The following KIAA0825 variants were observed in gnomAD, a reference collection of about 807,000 sequenced individuals.
KIAA0825 encodes the protein uncharacterized protein KIAA0825.
Under a neutral mutation model 147.6 loss-of-function variants are expected in KIAA0825, and 119 were observed. The observed-to-expected ratio is 0.81, with a 90% CI of 0.69 to 0.94. KIAA0825 has a LOEUF of 0.94. Among genes scored for constraint, KIAA0825 ranks in the 40% least tolerant of loss-of-function variants. KIAA0825 has a pLI of 0.00. For synonymous variants in KIAA0825, 470 were observed against 518.1 expected (o/e 0.91, Z 1.26); for missense variants, 1,381 against 1,472.7 (o/e 0.94, Z 1.02).
chr5:94,616,529 T>C (rs1790542452), intron 1 of KIAA0825, among the ~76,000 whole-genome samples: 1 of 150,666 alleles, frequency 6.6e-6, no homozygotes, highest in African/African-American at 2.4e-5. Flanking sequence ...TCTTTCTCCC[T>C]ACACACACAC....
intron 2 of KIAA0825, among the ~76,000 whole-genome samples, chr5:94,570,982 C>T (rs1171882805): frequency 6.6e-6 from 1 of 152,126 alleles, no homozygotes; most frequent in African/African-American, 2.4e-5. Context: ...CATTTATAGG[C>T]TGTTTACCTT....
chr5:94,475,279 GT>G (rs1761737375), intron 7 of KIAA0825, among the ~76,000 whole-genome samples: 1 of 151,992 alleles, frequency 6.6e-6, no homozygotes, highest in Admixed American at 6.6e-5. Context: ...TCTGATTTTT[GT>G]TTTCCCTATC....
intron 2 of KIAA0825, among the ~76,000 whole-genome samples, chr5:94,550,035 G>T (rs900677064): frequency 6.6e-6 from 1 of 152,070 alleles, no homozygotes; most frequent in Non-Finnish European, 1.5e-5. Flanking sequence ...ACAGAATGTG[G>T]TACATATACA....
intron 20 of KIAA0825, among the ~76,000 whole-genome samples, chr5:94,318,195 G>C (rs1203628878): frequency 4.0e-5 from 6 of 151,480 alleles, no homozygotes; most frequent in Non-Finnish European, 8.8e-5. Context: ...AAAATGTCTA[G>C]TTTGCACATT....
At chr5:94,244,257 T>C (rs1468136853) in intron 20 of KIAA0825, among the ~76,000 whole-genome samples, 1 of 152,226 alleles carries the variant, frequency 6.6e-6, no homozygotes, top group Non-Finnish European at 1.5e-5. Flanking sequence ...TACAGACAGC[T>C]TTACCTGATT....
chr5:94,488,983 G>A (rs1358639382), intron 5 of KIAA0825, among the ~76,000 whole-genome samples: 1 of 152,178 alleles, frequency 6.6e-6, no homozygotes, highest in South Asian at 2.1e-4. Context: ...CTGTGTGGGG[G>A]ACACTGCTCT....
At chr5:94,323,222 C>A (rs775133582) in intron 20 of KIAA0825, among the ~76,000 whole-genome samples, 1 of 151,876 alleles carries the variant, frequency 6.6e-6, no homozygotes, top group Non-Finnish European at 1.5e-5. Flanking sequence ...ATGATGCCAT[C>A]TGGTTCATGT....
intron 20 of KIAA0825, among the ~76,000 whole-genome samples, chr5:94,301,835 A>G (rs892076448): frequency 6.6e-6 from 1 of 152,194 alleles, no homozygotes; most frequent in Admixed American, 6.6e-5. Flanking sequence ...AGGTTTTCAC[A>G]AAGAAAGACT....
chr5:94,388,236 C>T (rs866598461), intron 18 of KIAA0825, among the ~76,000 whole-genome samples: 11 of 152,118 alleles, frequency 7.2e-5, no homozygotes, highest in African/African-American at 1.7e-4. Flanking sequence ...GCTGATATGA[C>T]GATAGGTGGA....
At chr5:94,549,942 A>G (rs1355106052) in intron 2 of KIAA0825, among the ~76,000 whole-genome samples, 1 of 152,160 alleles carries the variant, frequency 6.6e-6, no homozygotes, top group Non-Finnish European at 1.5e-5. Flanking sequence ...AAACTGAAAC[A>G]AAGAAAACAA....
At chr5:94,448,327 G>C (rs187325250) in intron 13 of KIAA0825, among the ~76,000 whole-genome samples, 39 of 151,860 alleles carry the variant, frequency 2.6e-4, no homozygotes, top group African/African-American at 8.0e-4. Flanking sequence ...AGGAGAATAT[G>C]AAAAATTGTG....
intron 20 of KIAA0825, among the ~76,000 whole-genome samples, chr5:94,274,806 C>T (rs1297857235): frequency 1.3e-5 from 2 of 152,136 alleles, no homozygotes; most frequent in Non-Finnish European, 2.9e-5. Context: ...AAAGGGAACT[C>T]ATGAGCTTCA....
At position 94,233,286 on chromosome 5, in the gene KIAA0825, A is replaced by G. The variant is rs1198234950; in HGVS notation, c.3711-79162T>C. Among the ~76,000 whole-genome samples the G allele has an allele frequency of 6.6e-5, 10 of 152,348 alleles. No homozygotes were observed. The East Asian group carries it at 1.9e-3, about 29-fold the overall frequency. On this transcript the variant is annotated intron_variant, in intron 20 of 20. Transcript: ENST00000682413. ...ATAACTCAAATTGACATGATTCCTA[A>G]AGAGAAGCATCGGGACAACTCTTCT...
At chr5:94,374,551 G>C (rs1191513634) in intron 20 of KIAA0825, among the ~76,000 whole-genome samples, 1 of 152,152 alleles carries the variant, frequency 6.6e-6, no homozygotes, top group African/African-American at 2.4e-5. Context: ...ATCTATCATA[G>C]TATTTGTGCT....
At chr5:94,483,400 C>T (rs1323840451) in intron 6 of KIAA0825, among the ~76,000 whole-genome samples, 2 of 151,868 alleles carry the variant, frequency 1.3e-5, no homozygotes, top group East Asian at 1.9e-4. Context: ...CTTAGCCAGG[C>T]ACGGTGGATG....
At chr5:94,615,483 C>A (rs73134687) in intron 1 of KIAA0825, 13 of 152,096 alleles carry the variant, frequency 8.5e-5, no homozygotes, top group African/African-American at 2.7e-4. Context: ...GCGTAACCTA[C>A]GACAATTTAC....
chr5:94,463,796 G>A (rs1457929277), intron 11 of KIAA0825, among the ~76,000 whole-genome samples: 1 of 151,444 alleles, frequency 6.6e-6, no homozygotes, highest in African/African-American at 2.4e-5. Context: ...TAACAGTAAA[G>A]CTGATTTCAC....
At chr5:94,273,312 A>C (rs566850363) in intron 20 of KIAA0825, among the ~76,000 whole-genome samples, 72 of 152,176 alleles carry the variant, frequency 4.7e-4, no homozygotes, top group Non-Finnish European at 9.0e-4. Context: ...GCATTTATTA[A>C]TATTAGCTCA....
In KIAA0825 at chr5:94,396,360, G is replaced by A. The variant is rs1431001001; in HGVS notation, c.3037C>T (p.Leu1013=). The A allele has an allele frequency of 6.4e-6, 10 of 1,550,822 alleles. No individual in the cohort carries two copies. In the Admixed American group the frequency reaches 7.9e-5, roughly 12 times the overall value. ...KKFVELKKAG[L]LVWNLIVIIC... ...ATTACAATCAAGTTCCAGACAAGCA[G>A]GCCAGCTTTCTTCAATTCAACAAAT... Residue 1013 remains leucine, a synonymous_variant, in exon 17 of 21, where the codon CTG becomes TTG. Coordinates refer to ENST00000682413, the MANE Select transcript of KIAA0825 (RefSeq NM_001145678.3).
Sources: allele counts gnomAD v4.1 joint callset (sites outside exome capture counted in the v4.1 genomes callset), GRCh38; gene constraint gnomAD v4.1.1; transcripts MANE v1.5; gene names NCBI Gene and HGNC (gene_info 2026-07-23, HGNC 2026-07-21).